TTC17: variants seen among roughly 807,000 people sequenced by gnomAD.
TTC17 encodes tetratricopeptide repeat domain 17.
TTC17 carries 58 observed loss-of-function variants against 143.8 expected under a neutral mutation model. The ratio of observed to expected loss-of-function variants is 0.40; its 90% confidence interval spans 0.33 to 0.50. TTC17 has a LOEUF of 0.50. Among genes scored for constraint, TTC17 ranks in the 20% least tolerant of loss-of-function variants. The probability of loss-of-function intolerance (pLI) is 0.49; values close to 1 mark genes in which losing one functional copy is unlikely to be tolerated. For synonymous variants in TTC17, 501 were observed against 497.8 expected, an observed-to-expected ratio of 1.01 and a Z score of -0.09; for missense variants, 1,273 against 1,392.5, an observed-to-expected ratio of 0.91 and a Z score of 1.37.
chr11:43,417,923 G>C (rs971709046), intron 16 of TTC17, among the ~76,000 whole-genome samples: 3 of 152,174 alleles, frequency 2.0e-5, no homozygotes, highest in Admixed American at 2.0e-4. Flanking sequence ...AGTATGACCT[G>C]GTGGTAAAAG....
intron 11 of TTC17, among the ~76,000 whole-genome samples, chr11:43,405,163 C>A (rs904930815): frequency 2.1e-5 from 3 of 140,848 alleles, no homozygotes; most frequent in African/African-American, 7.9e-5. Context: ...TGGTTTTTTT[C>A]ATGGTCATGA....
chr11:43,490,466 A>G, intron 22 of TTC17, 108 bp downstream of exon 22: 5 of 1,441,702 alleles, frequency 3.5e-6, no homozygotes, highest in Non-Finnish European at 4.6e-6. Context: ...CAGTGAGGAC[A>G]TATTCCAAGG....
Position 43,368,462 on chromosome 11 carries a change from CTCTT to C in TTC17, c.159+9353_159+9356del, listed in dbSNP as rs547914541. Among the ~76,000 whole-genome samples, 515 of 152,310 alleles carry C rather than the reference CTCTT, an allele frequency of 3.4e-3. 3 individuals carry two copies. Among genetic ancestry groups the C allele is most frequent in the African/African-American group, 0.012 (488 of 41,580 alleles). On this transcript the variant is annotated intron_variant, in intron 1 of 23. Coordinates refer to ENST00000039989, the MANE Select transcript of TTC17 (RefSeq NM_018259.6). ...GTCCAAAATTTTGGTATCTTCTTGA[CTCTT>C]TCTCATATCTCAAACCCAACGTAGT... is the stretch of plus-strand genomic sequence containing the variant.
At chr11:43,375,581 C>T (rs1856731835) in intron 1 of TTC17, among the ~76,000 whole-genome samples, 1 of 151,062 alleles carries the variant, frequency 6.6e-6, no homozygotes. Flanking sequence ...CATCAGTTTC[C>T]AAGTGCTATT....
intron 18 of TTC17, chr11:43,447,794 C>A: frequency 1.9e-6 from 1 of 519,230 alleles, no homozygotes. Context: ...CTTACTTCTC[C>A]ACCTATCTTT....
chr11:43,375,212 A>G (rs754291053), intron 1 of TTC17, among the ~76,000 whole-genome samples: 9 of 152,202 alleles, frequency 5.9e-5, no homozygotes, highest in Non-Finnish European at 7.3e-5. Context: ...TCTCTTTAGT[A>G]CCAGCTGACC....
intron 1 of TTC17, among the ~76,000 whole-genome samples, chr11:43,361,182 A>G (rs1355513435): frequency 2.6e-5 from 4 of 152,188 alleles, no homozygotes; most frequent in Admixed American, 6.5e-5. Context: ...CCTGGCCATA[A>G]TTTGTATGCA....
At chr11:43,442,639 C>T (rs1304074294) in intron 16 of TTC17, among the ~76,000 whole-genome samples, 5 of 152,148 alleles carry the variant, frequency 3.3e-5, no homozygotes, top group African/African-American at 1.2e-4. Context: ...GCTGTGTAAC[C>T]TTCATTGGAT....
chr11:43,481,832 CAG>C (rs1948293557), intron 21 of TTC17, among the ~76,000 whole-genome samples: 1 of 151,812 alleles, frequency 6.6e-6, no homozygotes, highest in African/African-American at 2.4e-5. Flanking sequence ...AATAGGGGGA[CAG>C]AGTCTCGCTC....
intron 3 of TTC17, among the ~76,000 whole-genome samples, chr11:43,390,078 G>A (rs1330259196): frequency 6.6e-5 from 10 of 152,134 alleles, no homozygotes; most frequent in Admixed American, 4.6e-4. Flanking sequence ...AGGCCAAGGC[G>A]GGAAGATTGC....
intron 16 of TTC17, among the ~76,000 whole-genome samples, chr11:43,418,362 A>G (rs1251326906): frequency 6.6e-6 from 1 of 152,174 alleles, no homozygotes; most frequent in Non-Finnish European, 1.5e-5. Context: ...AGAACTTAAT[A>G]CATTGATTTT....
intron 1 of TTC17, 58 bp from the exon 2 acceptor site, chr11:43,379,175 T>G: frequency 6.7e-7 from 1 of 1,486,024 alleles, no homozygotes; most frequent in Non-Finnish European, 9.3e-7. Flanking sequence ...AATGACTTTG[T>G]TAATCCAAAC....
intron 16 of TTC17, among the ~76,000 whole-genome samples, chr11:43,417,713 G>A (rs1194942987): frequency 6.6e-6 from 1 of 152,198 alleles, no homozygotes; most frequent in Admixed American, 6.5e-5. Flanking sequence ...GCGGGCACCT[G>A]TAATCCCAGC....
intron 6 of TTC17, 72 bp from the exon 7 acceptor site, chr11:43,397,275 A>G: frequency 1.3e-6 from 2 of 1,520,920 alleles, no homozygotes; most frequent in Non-Finnish European, 1.8e-6. Context: ...CCTAAGCACA[A>G]GTAACTTTGA....
At chr11:43,434,225 A>ACACT (rs1565164003) in intron 16 of TTC17, among the ~76,000 whole-genome samples, 4 of 89,602 alleles carry the variant, frequency 4.5e-5, no homozygotes, top group African/African-American at 1.6e-4. Context: ...ACACACACAC[A>ACACT]CACACACTCT....
intron 1 of TTC17, 183 bp from the exon 2 acceptor site, chr11:43,379,050 C>G (rs979601548): frequency 1.2e-5 from 7 of 584,782 alleles, no homozygotes; most frequent in Admixed American, 3.5e-5. Flanking sequence ...ACAACTGTTG[C>G]ACTTGTCATT....
chr11:43,373,058 A>G (rs1309019259), intron 1 of TTC17, among the ~76,000 whole-genome samples: 1 of 152,194 alleles, frequency 6.6e-6, no homozygotes, highest in Non-Finnish European at 1.5e-5. Flanking sequence ...TTATCCTGAC[A>G]TGATATATAT....
intron 16 of TTC17, among the ~76,000 whole-genome samples, chr11:43,435,859 A>G (rs776207011): frequency 3.9e-5 from 6 of 152,218 alleles, no homozygotes; most frequent in Non-Finnish European, 4.4e-5. Flanking sequence ...TAACTTCAAG[A>G]AAATATTTCA....
At chr11:43,445,840 TG>T in intron 18 of TTC17, 3 of 710,774 alleles carry the variant, frequency 4.2e-6, no homozygotes, top group Non-Finnish European at 5.0e-6. Flanking sequence ...TGTGAGCCCA[TG>T]GGGGAAAAAT....
Sources: allele counts gnomAD v4.1 joint callset (sites outside exome capture counted in the v4.1 genomes callset), GRCh38; gene constraint gnomAD v4.1.1; transcripts MANE v1.5; gene names NCBI Gene and HGNC (gene_info 2026-07-23, HGNC 2026-07-21).